Variants in ZDHHC15 observed in about 807,000 individuals in gnomAD.
ZDHHC15 encodes zDHHC palmitoyltransferase 15, also known as palmitoyltransferase ZDHHC15.
ZDHHC15 carries 19 observed loss-of-function variants against 31.7 expected under a neutral mutation model. The ratio of observed to expected loss-of-function variants is 0.60; its 90% CI spans 0.42 to 0.88. The LOEUF is 0.88. Ranked by LOEUF, ZDHHC15 falls within the 40% of genes least tolerant of loss-of-function variation. The pLI is 0.00. For synonymous variants in ZDHHC15, 103 were observed against 90.0 expected (o/e 1.14, Z -0.82); for missense variants, 209 against 251.2 (o/e 0.83, Z 1.14).
Position 75,411,267 on chromosome X carries a change from G to C in ZDHHC15, c.967+5820C>G, listed in dbSNP as rs907299371. Among the ~76,000 whole-genome samples, 3 of 110,123 alleles carry C rather than the reference G, an allele frequency of 2.7e-5. No homozygotes were observed. The South Asian group carries it at 1.2e-3, about 43-fold the overall frequency. ...TCTGTCGCCTAGGCTGGAGTGCAGTGGTGTGATCTCAGCTCACTGCAAGCT... is the reference window on the plus strand; with the variant it reads ...TCTGTCGCCTAGGCTGGAGTGCAGTCGTGTGATCTCAGCTCACTGCAAGCT... On this transcript the variant is annotated intron_variant, in intron 10 of 11. Coordinates refer to ENST00000373367, the MANE Select transcript of ZDHHC15 (RefSeq NM_144969.3).
At chrX:75,389,745 A>C (rs1002848613) in intron 10 of ZDHHC15, among the ~76,000 whole-genome samples, 1 of 109,834 alleles carries the variant, frequency 9.1e-6, no homozygotes, top group Non-Finnish European at 1.9e-5. Context: ...GGTGAGATTC[A>C]GAGATATGCT....
At chrX:75,470,771 C>T (rs1007238697) in intron 3 of ZDHHC15, among the ~76,000 whole-genome samples, 2 of 111,823 alleles carry the variant, frequency 1.8e-5, no homozygotes, top group Non-Finnish European at 3.8e-5. Flanking sequence ...TTGGCATAGA[C>T]ATACTTAGCA....
At chrX:75,445,340 G>A (rs1329258177) in intron 4 of ZDHHC15, among the ~76,000 whole-genome samples, 1 of 111,459 alleles carries the variant, frequency 9.0e-6, no homozygotes, top group Admixed American at 9.6e-5. Context: ...GTAATCTGTG[G>A]CATGATCTGA....
intron 10 of ZDHHC15, among the ~76,000 whole-genome samples, chrX:75,393,909 G>A (rs1267157992): frequency 8.9e-6 from 1 of 111,823 alleles, no homozygotes; most frequent in African/African-American, 3.3e-5. Context: ...GAAGCATCCA[G>A]CATGGGAGAA....
chrX:75,505,926 T>C, intron 1 of ZDHHC15, 79 bp from the exon 2 acceptor site: 1 of 937,761 alleles, frequency 1.1e-6, no homozygotes, highest in Admixed American at 2.4e-5. Context: ...ATTAGTTATA[T>C]TTAAAAAGTC....
intron 4 of ZDHHC15, among the ~76,000 whole-genome samples, chrX:75,436,891 T>A (rs1275366265): frequency 8.9e-6 from 1 of 112,741 alleles, no homozygotes; most frequent in Non-Finnish European, 1.9e-5. Flanking sequence ...TGTTTTGTTT[T>A]GTCTTTTTGA....
chrX:75,462,809 C>A (rs774347892), intron 3 of ZDHHC15, among the ~76,000 whole-genome samples: 1 of 110,544 alleles, frequency 9.0e-6, no homozygotes. Flanking sequence ...ATCCCCACAC[C>A]AAAAAGCTAG....
chrX:75,515,262 G>T (rs1251336278), intron 1 of ZDHHC15, among the ~76,000 whole-genome samples: 3 of 110,998 alleles, frequency 2.7e-5, no homozygotes, highest in Non-Finnish European at 5.7e-5. Flanking sequence ...GCCTGGCAGA[G>T]ACACAACAAA....
chrX:75,380,096 G>A (rs2083098996), intron 10 of ZDHHC15, among the ~76,000 whole-genome samples: 2 of 112,077 alleles, frequency 1.8e-5, no homozygotes, highest in South Asian at 3.7e-4. Context: ...CCTAGCCTTA[G>A]GGTATTCTTC....
chrX:75,517,586 G>A (rs1275819094), intron 1 of ZDHHC15, among the ~76,000 whole-genome samples: 9 of 74,555 alleles, frequency 1.2e-4, no homozygotes, highest in Admixed American at 7.2e-4. Flanking sequence ...GGGGCCTGTC[G>A]TGGGGTGGGG....
intron 4 of ZDHHC15, among the ~76,000 whole-genome samples, chrX:75,450,253 G>A (rs1231429543): frequency 8.9e-6 from 1 of 111,734 alleles, no homozygotes; most frequent in African/African-American, 3.2e-5. Context: ...AAAGCTATCA[G>A]AATAGCGGTT....
At chrX:75,450,564 AAC>A (rs2084101026) in intron 4 of ZDHHC15, 7 of 239,846 alleles carry the variant, frequency 2.9e-5, no homozygotes, top group Non-Finnish European at 4.1e-5. Flanking sequence ...GTGATATAGC[AAC>A]ACAGAAAAAT....
chrX:75,449,199 TATACAC>T (rs1471341389), intron 4 of ZDHHC15, among the ~76,000 whole-genome samples: 2 of 8,439 alleles, frequency 2.4e-4, no homozygotes, highest in African/African-American at 2.8e-4. Context: ...TCTCTCTCTC[TATACAC>T]ACACACACAC....
intron 10 of ZDHHC15, among the ~76,000 whole-genome samples, chrX:75,388,859 C>G (rs951949941): frequency 8.9e-6 from 1 of 112,181 alleles, no homozygotes; most frequent in Non-Finnish European, 1.9e-5. Context: ...AATTGAGCAA[C>G]TACTTACACA....
At chrX:75,420,526 T>C (rs950673212) in intron 9 of ZDHHC15, among the ~76,000 whole-genome samples, 2 of 111,416 alleles carry the variant, frequency 1.8e-5, no homozygotes, top group African/African-American at 6.5e-5. Context: ...TACAGCACTG[T>C]TCACAATAGC....
intron 3 of ZDHHC15, among the ~76,000 whole-genome samples, chrX:75,464,399 C>T (rs771143629): frequency 1.8e-5 from 2 of 110,089 alleles, no homozygotes; most frequent in South Asian, 3.8e-4. Context: ...CAAACCTGCA[C>T]GTTGTGCACA....
intron 3 of ZDHHC15, among the ~76,000 whole-genome samples, chrX:75,475,476 G>A (rs780327349): frequency 7.1e-5 from 8 of 112,134 alleles, no homozygotes; most frequent in Non-Finnish European, 1.3e-4. Flanking sequence ...GTTGAAGACT[G>A]TGCATTCTCC....
At chrX:75,384,199 T>A in intron 10 of ZDHHC15, 1 of 434,145 alleles carries the variant, frequency 2.3e-6, no homozygotes, top group South Asian at 3.6e-5. Flanking sequence ...TATCTAATCA[T>A]CCCAAATATG....
intron 2 of ZDHHC15, among the ~76,000 whole-genome samples, chrX:75,492,518 C>T (rs1307801559): frequency 9.0e-6 from 1 of 111,363 alleles, no homozygotes. Context: ...CAAAATTGAC[C>T]ACATAGTTGG....
Sources: gnomAD v4.1 joint callset for allele counts (sites outside exome capture counted in the v4.1 genomes callset) on GRCh38, gnomAD v4.1.1 for gene constraint, MANE v1.5 for transcripts, NCBI Gene and HGNC (gene_info 2026-07-23, HGNC 2026-07-21) for gene names.